Variants in ABCB7 observed in about 807,000 individuals in gnomAD.
The protein encoded by ABCB7 is ATP binding cassette subfamily B member 7.
In ABCB7, 7 loss-of-function variants were observed where a neutral mutation model predicts 54.4. The ratio of observed to expected loss-of-function variants is 0.13; its 90% CI spans 0.07 to 0.24. The LOEUF is 0.24. Among genes scored for constraint, ABCB7 ranks in the 10% least tolerant of loss-of-function variants. ABCB7 has a pLI of 1.00. For synonymous variants in ABCB7, 218 were observed against 207.1 expected, an observed-to-expected ratio of 1.05 and a Z score of -0.45; for missense variants, 356 against 570.4, an observed-to-expected ratio of 0.62 and a Z score of 3.83.
chrX:75,053,182 G>T lies in ABCB7; in HGVS notation c.*188C>A. The T allele has an allele frequency of 1.7e-6, 1 of 592,710 alleles. No individual in the cohort carries two copies. The highest frequency in any genetic ancestry group is 2.5e-6 in the Non-Finnish European group (1 of 393,159). The allele number at this position is 592,710 out of a possible 1,213,427, so 48.8% of individuals were successfully genotyped here. ...CAGGACAGTGACAAGAAAATAATTTGGGGATAAATACAGATGCCACATTAA... is the reference window on the plus strand; with the variant it reads ...CAGGACAGTGACAAGAAAATAATTTTGGGATAAATACAGATGCCACATTAA... On this transcript the variant is annotated 3_prime_UTR_variant, in exon 16 of 16. Transcript: ENST00000373394.
At chrX:75,143,797 C>A (rs773057834) in intron 1 of ABCB7, among the ~76,000 whole-genome samples, 1 of 110,419 alleles carries the variant, frequency 9.1e-6, no homozygotes, top group Non-Finnish European at 1.9e-5. Flanking sequence ...TTCACTATCA[C>A]GAGAACAGCA....
chrX:75,095,386 A>T (rs1037742931), intron 4 of ABCB7, among the ~76,000 whole-genome samples: 10 of 112,351 alleles, frequency 8.9e-5, no homozygotes, highest in Admixed American at 1.9e-4. Context: ...AAAAATAGGA[A>T]GCCAAGGATA....
At chrX:75,151,306 T>C (rs2082130487) in intron 1 of ABCB7, among the ~76,000 whole-genome samples, 1 of 111,402 alleles carries the variant, frequency 9.0e-6, no homozygotes, top group African/African-American at 3.3e-5. Flanking sequence ...TTCCTTACCA[T>C]ATACAGCCCA....
Position 75,060,296 on chromosome X carries a change from T to C in ABCB7, c.1970A>G (p.His657Arg). The part of the protein sequence containing the change: ...ILGAMKDVVK[H>R]RTSIFIAHRL... ...GTGTGCAATGAAAATAGAAGTTCTGTGTTTGACCACATCCTTCATGGCACC... is the reference window on the plus strand; with the variant it reads ...GTGTGCAATGAAAATAGAAGTTCTGCGTTTGACCACATCCTTCATGGCACC... The change falls in exon 15 of 16, where the codon CAC becomes CGC. Residue 657 changes from histidine (H) to arginine (R), a missense_variant. His to Arg is a conservative substitution (Grantham distance 29). Transcript: ENST00000373394. 1 of 1,210,104 alleles carries C rather than the reference T, an allele frequency of 8.3e-7. No individual in the cohort carries two copies. Among genetic ancestry groups the C allele is most frequent in the Non-Finnish European group, 1.1e-6 (1 of 893,893 alleles).
intron 4 of ABCB7, among the ~76,000 whole-genome samples, chrX:75,081,182 T>C (rs2081452614): frequency 8.9e-6 from 1 of 111,749 alleles, no homozygotes; most frequent in Non-Finnish European, 1.9e-5. Context: ...CAAGAACCAA[T>C]AAGATAAGAT....
intron 1 of ABCB7, among the ~76,000 whole-genome samples, chrX:75,144,002 T>A (rs764281478): frequency 1.4e-4 from 16 of 111,380 alleles, no homozygotes; most frequent in African/African-American, 4.9e-4. Flanking sequence ...AAGGTAACAC[T>A]CTCCTGCTTC....
intron 1 of ABCB7, among the ~76,000 whole-genome samples, chrX:75,118,554 C>CT (rs1205734902): frequency 9.0e-6 from 1 of 110,643 alleles, no homozygotes; most frequent in African/African-American, 3.3e-5. Context: ...AACTTCAGGA[C>CT]TAAGAAGTAG....
intron 3 of ABCB7, among the ~76,000 whole-genome samples, chrX:75,101,649 A>G (rs187039093): frequency 1.8e-5 from 2 of 112,049 alleles, no homozygotes; most frequent in Admixed American, 1.9e-4. Flanking sequence ...TTAAAGCATT[A>G]TAACACAAAC....
At chrX:75,078,824 A>G (rs2147475460) in intron 4 of ABCB7, among the ~76,000 whole-genome samples, 1 of 111,707 alleles carries the variant, frequency 9.0e-6, no homozygotes, top group South Asian at 3.8e-4. Context: ...GCACCCTAAA[A>G]TGGATGCTCT....
At chrX:75,150,548 T>C (rs996039609) in intron 1 of ABCB7, among the ~76,000 whole-genome samples, 34 of 111,664 alleles carry the variant, frequency 3.0e-4, no homozygotes, top group Non-Finnish European at 5.8e-4. Context: ...GTAAAAATTA[T>C]GTACATGAAA....
At chrX:75,123,597 T>C (rs956418079) in intron 1 of ABCB7, among the ~76,000 whole-genome samples, 1 of 111,824 alleles carries the variant, frequency 8.9e-6, no homozygotes, top group Non-Finnish European at 1.9e-5. Flanking sequence ...TTGGGTAGTG[T>C]GGAAATTTTT....
At chrX:75,138,242 ACAC>A (rs1281441104) in intron 1 of ABCB7, among the ~76,000 whole-genome samples, 4 of 110,528 alleles carry the variant, frequency 3.6e-5, no homozygotes, top group Non-Finnish European at 5.7e-5. Flanking sequence ...ACACACACAC[ACAC>A]ACACACACAC....
rs1256397478 is a variant in ABCB7, at chrX:75,156,115, C to A, written c.158G>T (p.Arg53Leu). 4 of 1,210,066 alleles carry A rather than the reference C, an allele frequency of 3.3e-6. No homozygotes were observed. Among genetic ancestry groups the A allele is most frequent in the Non-Finnish European group, 4.5e-6 (4 of 894,769 alleles). Residue 53 changes from arginine to leucine, a missense_variant, in exon 1 of 16, where the codon CGA becomes CTA. Transcript: ENST00000373394. ...PHQLGALGTA[R>L]AYQIPESLKS... is the part of the protein sequence containing the mutation. ...TCAGTGGCATCTCACCTGGTAGGCT[C>A]GAGCGGTTCCCAAGGCGCCGAGTTG...
intron 3 of ABCB7, among the ~76,000 whole-genome samples, chrX:75,108,366 A>G (rs971204057): frequency 4.5e-5 from 5 of 111,612 alleles, no homozygotes; most frequent in Admixed American, 2.8e-4. Context: ...CCAGGGACTT[A>G]CCAAACATAG....
rs1242541683 is a variant in ABCB7, at chrX:75,060,147, C to T, written c.2043+76G>A. 3.5e-6 allele frequency: 3 copies of T among 855,209 alleles called. No homozygotes were observed. The Admixed American group carries it at 7.3e-5, about 21-fold the overall frequency. The allele number at this position is 855,209 out of a possible 1,213,427, so 70.5% of individuals were successfully genotyped here. A position where few individuals can be genotyped will look rare whatever the true frequency, so the allele number is the denominator to read the frequency against. Reference sequence around the variant, plus strand: ...AGTCTCAACCAAATAATGTAAGAAACAATATTTAAGCTTCTTGTATCTATA... The same window carrying T: ...AGTCTCAACCAAATAATGTAAGAAATAATATTTAAGCTTCTTGTATCTATA... On this transcript the variant is annotated intron_variant, in intron 15 of 15. Coordinates refer to ENST00000373394, the MANE Select transcript of ABCB7 (RefSeq NM_001271696.3).
chrX:75,114,883 T>G (rs748356308), intron 1 of ABCB7, 52 bp from the exon 2 acceptor site: 1 of 949,475 alleles, frequency 1.1e-6, no homozygotes, highest in Admixed American at 2.3e-5. Flanking sequence ...ACACTTAATA[T>G]TCAAAGATTA....
chrX:75,098,820 A>G, intron 4 of ABCB7, 122 bp downstream of exon 4: 1 of 846,046 alleles, frequency 1.2e-6, no homozygotes. Flanking sequence ...TATGTAAACT[A>G]AATGAGGGTC....
intron 4 of ABCB7, among the ~76,000 whole-genome samples, chrX:75,081,515 T>C (rs2081455393): frequency 8.9e-6 from 1 of 112,198 alleles, no homozygotes; most frequent in Admixed American, 9.4e-5. Context: ...AATGCTTTCA[T>C]ATATTCAAGG....
At chrX:75,070,632 A>G in intron 9 of ABCB7, 110 bp from the exon 10 acceptor site, 2 of 769,270 alleles carry the variant, frequency 2.6e-6, no homozygotes, top group South Asian at 2.3e-5. Flanking sequence ...TTAATCAGCA[A>G]CAACTCTTAT....
Sources: allele counts gnomAD v4.1 joint callset (sites outside exome capture counted in the v4.1 genomes callset), GRCh38; gene constraint gnomAD v4.1.1; transcripts MANE v1.5; gene names NCBI Gene and HGNC (gene_info 2026-07-23, HGNC 2026-07-21).